SETD1B: variants seen among roughly 807,000 people sequenced by gnomAD.
The protein encoded by SETD1B is SET domain containing 1B, histone lysine methyltransferase.
A neutral mutation model predicts 148.0 loss-of-function variants in SETD1B; 7 were observed. The ratio of observed to expected loss-of-function variants is 0.05; its 90% CI spans 0.03 to 0.09. The LOEUF (loss-of-function observed/expected upper bound fraction) is 0.09. SETD1B is among the 10% of genes least tolerant of loss of function. The probability of loss-of-function intolerance (pLI) is 1.00; values close to 1 mark genes in which losing one functional copy is unlikely to be tolerated. For missense variants in SETD1B, 2,155 were observed against 2,729.9 expected, an observed-to-expected ratio of 0.79 and a Z score of 4.69; for synonymous variants, 1,361 against 1,186.5, an observed-to-expected ratio of 1.15 and a Z score of -3.02.
intron 6 of SETD1B, 56 bp from the exon 7 acceptor site, chr12:121,814,050 G>A (rs967402819): frequency 3.2e-5 from 45 of 1,419,346 alleles, no homozygotes; most frequent in African/African-American, 1.3e-4. Context: ...AGGGGACTCC[G>A]AGAGCCCCTT....
chr12:121,819,295 G>T, intron 10 of SETD1B, 109 bp from the exon 11 acceptor site: 1 of 1,508,010 alleles, frequency 6.6e-7, no homozygotes, highest in South Asian at 1.3e-5. Context: ...ATATCTGAGG[G>T]CCGTGTTCAG....
At chr12:121,816,146 A>T (rs1259442572) in intron 7 of SETD1B, among the ~76,000 whole-genome samples, 3 of 152,004 alleles carry the variant, frequency 2.0e-5, no homozygotes, top group African/African-American at 7.2e-5. Flanking sequence ...CCTTTTTAAC[A>T]TATTATTTGC....
chr12:121,811,215 C>T (rs914786266), intron 6 of SETD1B, among the ~76,000 whole-genome samples: 7 of 152,096 alleles, frequency 4.6e-5, no homozygotes, highest in Admixed American at 1.3e-4. Flanking sequence ...TTGTCTGTTG[C>T]GTGGCTTGGG....
rs538822761 is a variant in SETD1B, at chr12:121,806,707, T to TGCTCAAGG, written c.544+604_544+611dup. ...GAAGAGCCAGGCAGGCGGCTCTGGG[T>TGCTCAAGG]GCTCAAGGGTTGACACTGTGTCTTC... On this transcript the variant is annotated intron_variant, in intron 4 of 16. Coordinates refer to ENST00000604567, the MANE Select transcript of SETD1B (RefSeq NM_001353345.2). 4.8e-3 allele frequency among the ~76,000 whole-genome samples: 730 copies of TGCTCAAGG among 152,070 alleles called. 4 individuals are homozygous for TGCTCAAGG. The highest frequency in any genetic ancestry group is 0.01 in the Middle Eastern group (3 of 294).
At chr12:121,815,823 CTTTTTTTTTTTT>C (rs994063316) in intron 7 of SETD1B, among the ~76,000 whole-genome samples, 1 of 118,156 alleles carries the variant, frequency 8.5e-6, no homozygotes, top group African/African-American at 3.3e-5. Flanking sequence ...TCTTTTCTTT[CTTTTTTTTTTTT>C]TTTTTTTTCG....
Position 121,831,127 on chromosome 12 carries a change from C to G in SETD1B, c.*888C>G, listed in dbSNP as rs965506466. ...AACGCGGGCAGCCACTCTCTTCTGC[C>G]CTTGCCTTCGCCCTGGGTGGGACAG... On this transcript the variant is annotated 3_prime_UTR_variant, in exon 17 of 17. Coordinates refer to ENST00000604567, the MANE Select transcript of SETD1B (RefSeq NM_001353345.2). 1.3e-5 allele frequency: 2 copies of G among 152,214 alleles called. No individual in the cohort carries two copies. Among genetic ancestry groups the G allele is most frequent in the South Asian group, 4.1e-4 (2 of 4,834 alleles). 9.4% of individuals were successfully genotyped at this position (152,214 alleles called of 1,614,324 possible).
At position 121,830,003 on chromosome 12, in the gene SETD1B, G is replaced by T; in HGVS notation, c.5728-63G>T. The stretch of plus-strand genomic sequence containing the variant: ...GCACAGGCCTGGTTGGGTTTGGGGG[G>T]TCTGCAGTGGTGGGGGACCCTGGGG... On this transcript the variant is annotated intron_variant, in intron 16 of 16. Transcript: ENST00000604567. The surrounding 1 kb of genome is among the most constrained non-coding windows in gnomAD (Gnocchi z 5.7). 8.8e-6 allele frequency: 13 copies of T among 1,476,470 alleles called. No individual in the cohort carries two copies. The highest frequency in any genetic ancestry group is 9.1e-6 in the Non-Finnish European group (10 of 1,095,166). 91.5% of individuals were successfully genotyped at this position (1,476,470 alleles called of 1,614,324 possible).
In SETD1B at chr12:121,814,058, C is replaced by T. The variant is rs1277798784; in HGVS notation, c.1891-48C>T. On this transcript the variant is annotated intron_variant, in intron 6 of 16. Transcript: ENST00000604567. Reference sequence around the variant, plus strand: ...CTTGCAGAGGGGACTCCGAGAGCCCCTTGGCCTTCCAGACTCACCTCACTG... The same window carrying T: ...CTTGCAGAGGGGACTCCGAGAGCCCTTTGGCCTTCCAGACTCACCTCACTG... 4.1e-6 allele frequency: 6 copies of T among 1,480,680 alleles called. No individual in the cohort carries two copies. In the Admixed American group the frequency reaches 1.2e-4, roughly 30 times the overall value. The allele number at this position is 1,480,680 out of a possible 1,614,324, so 91.7% of individuals were successfully genotyped here.
chr12:121,824,401 C>G (rs963541350), intron 12 of SETD1B, among the ~76,000 whole-genome samples: 1 of 152,230 alleles, frequency 6.6e-6, no homozygotes, highest in Non-Finnish European at 1.5e-5. Flanking sequence ...AATCCCAGCA[C>G]TATGGGAGGC....
At chr12:121,820,806 T>C (rs144651207) in intron 11 of SETD1B, among the ~76,000 whole-genome samples, 62 of 152,358 alleles carry the variant, frequency 4.1e-4, no homozygotes, top group African/African-American at 1.4e-3. Flanking sequence ...GTGCTGGGAT[T>C]ACAGGCGTGA....
chr12:121,806,237 C>A lies in SETD1B; in HGVS notation c.544+132C>A, dbSNP rs139724265. On this transcript the variant is annotated intron_variant, in intron 4 of 16. Coordinates refer to ENST00000604567, the MANE Select transcript of SETD1B (RefSeq NM_001353345.2). ...CCCCCCCCACAACCTTATTTCTTAG[C>A]CCCCTCCTGAGGGTAGAGTCGCGTG... The A allele has an allele frequency of 1.2e-3, 1,176 of 1,006,788 alleles. 11 individuals are homozygous for A. The African/African-American group carries it at 0.017, about 15-fold the overall frequency. 62.4% of individuals were successfully genotyped at this position (1,006,788 alleles called of 1,614,324 possible). A position where few individuals can be genotyped will look rare whatever the true frequency, so the allele number is the denominator to read the frequency against.
intron 15 of SETD1B, 34 bp from the exon 16 acceptor site, chr12:121,827,899 C>T (rs752463471): frequency 5.2e-5 from 80 of 1,552,212 alleles, no homozygotes; most frequent in South Asian, 3.6e-4. Context: ...GGCATGGGGC[C>T]GGCCCAGCCA....
chr12:121,827,668 C>T lies in SETD1B; in HGVS notation c.5469+18C>T. The T allele has an allele frequency of 6.4e-7, 1 of 1,551,604 alleles. No individual in the cohort carries two copies. Among genetic ancestry groups the T allele is most frequent in the Non-Finnish European group, 8.7e-7 (1 of 1,146,874 alleles). On this transcript the variant is annotated intron_variant, in intron 14 of 16. Coordinates refer to ENST00000604567, the MANE Select transcript of SETD1B (RefSeq NM_001353345.2). ...AGCTCAAGGTGAGGCCGGGCTTCACCCAGATCGCCGGGGTGGCGGCAGGAC... is the reference window on the plus strand; with the variant it reads ...AGCTCAAGGTGAGGCCGGGCTTCACTCAGATCGCCGGGGTGGCGGCAGGAC...
rs1239720346 is a variant in SETD1B at position 121,827,816 on chromosome 12, G to A, written c.5551G>A (p.Glu1851Lys). The A allele has an allele frequency of 6.4e-7, 1 of 1,560,198 alleles. No individual in the cohort carries two copies. Among genetic ancestry groups the A allele is most frequent in the Non-Finnish European group, 8.7e-7 (1 of 1,151,414 alleles). ...CGCCATGGAGCCCATCGCGGCTGAC[G>A]AGATGGTCATCGAGTACGTGGGCCA... ...LFAMEPIAAD[E>K]MVIEYVGQNI... The change falls in exon 15 of 17, where the codon GAG becomes AAG. Residue 1851 changes from glutamate to lysine, a missense_variant. Glu to Lys is a moderately conservative substitution (Grantham distance 56). Transcript: ENST00000604567.
At chr12:121,791,985 C>T in the SETD1B span, among the ~76,000 whole-genome samples, 1 of 152,282 alleles carries the variant, frequency 6.6e-6, no homozygotes, top group East Asian at 1.9e-4. Context: ...CCTCAGCTCT[C>T]CCAGCTCACC....
the SETD1B span, among the ~76,000 whole-genome samples, chr12:121,798,925 C>A: frequency 6.6e-6 from 1 of 152,196 alleles, no homozygotes; most frequent in Non-Finnish European, 1.5e-5. Flanking sequence ...ATGTGCCAAG[C>A]GTGGAACGTG....
intron 16 of SETD1B, among the ~76,000 whole-genome samples, chr12:121,828,443 G>T (rs1220872706): frequency 1.3e-5 from 2 of 152,254 alleles, no homozygotes; most frequent in Non-Finnish European, 2.9e-5. Flanking sequence ...TTTCTGCAAG[G>T]GGGAGGTGCA....
At chr12:121,803,850 T>G (rs1592971210), upstream of SETD1B, 1 of 148,156 alleles carries the variant, frequency 6.7e-6, no homozygotes, top group Admixed American at 6.7e-5. This position sits in a 1 kb window ranked among gnomAD's most constrained non-coding sequence, Gnocchi z 4.7. Flanking sequence ...AGCGCGCGAG[T>G]GAGGGGTGGG....
In SETD1B at chr12:121,804,708, A is replaced by T; in HGVS notation, c.-14-16A>T. ...CGCCGCCGCGGCGGAGACGACAACAACTTGCTGGTTTTCAGGTTGGGTTAA... is the reference window on the plus strand; with the variant it reads ...CGCCGCCGCGGCGGAGACGACAACATCTTGCTGGTTTTCAGGTTGGGTTAA... On this transcript the variant is annotated splice_polypyrimidine_tract_variant and intron_variant, in intron 1 of 16. Transcript: ENST00000604567. This position sits in a 1 kb window ranked among gnomAD's most constrained non-coding sequence, Gnocchi z 4.6. The T allele has an allele frequency of 6.5e-7, 1 of 1,545,460 alleles. No individual in the cohort carries two copies. Among genetic ancestry groups the T allele is most frequent in the Non-Finnish European group, 8.7e-7 (1 of 1,145,568 alleles).
Sources: gnomAD v4.1 joint callset for allele counts (sites outside exome capture counted in the v4.1 genomes callset) on GRCh38, gnomAD v4.1.1 for gene constraint, Gnocchi (gnomAD v3.1) non-coding constraint, MANE v1.5 for transcripts, NCBI Gene and HGNC (gene_info 2026-07-23, HGNC 2026-07-21) for gene names.